Variants in DMXL1 observed in about 807,000 individuals in gnomAD.
The protein encoded by DMXL1 is Dmx like 1, also known as dmX-like protein 1.
DMXL1 carries 99 observed loss-of-function variants against 319.2 expected under a neutral mutation model. That is an observed-to-expected ratio of 0.31 (90% CI 0.26 to 0.37). The LOEUF (loss-of-function observed/expected upper bound fraction) is 0.37, where lower values mean the gene tolerates loss of function less well. Among genes scored for constraint, DMXL1 ranks in the 10% least tolerant of loss-of-function variants. The pLI is 1.00. For missense variants in DMXL1, 3,745 were observed against 3,595.6 expected (o/e 1.04, Z -1.06); for synonymous variants, 1,385 against 1,235.2 (o/e 1.12, Z -2.54).
At position 119,182,319 on chromosome 5, in the gene DMXL1, C is replaced by T. The variant is rs535072744; in HGVS notation, c.7135+4075C>T. ...TATTTCATTTTCCTGACTACTCAAA[C>T]GTGTCAAAGCATTGTATATTGAAGA... On this transcript the variant is annotated intron_variant, in intron 28 of 43. Transcript: ENST00000539542. Among the ~76,000 whole-genome samples, 79 of 152,184 alleles carry T rather than the reference C, an allele frequency of 5.2e-4. 2 individuals carry two copies. The South Asian group carries it at 0.014, about 26-fold the overall frequency.
chr5:119,226,756 C>T (rs1785648352), intron 38 of DMXL1, among the ~76,000 whole-genome samples: 1 of 152,144 alleles, frequency 6.6e-6, no homozygotes. Flanking sequence ...AATCAGAGTG[C>T]CCACAGCTCC....
At chr5:119,193,186 G>A (rs1296344097) in intron 29 of DMXL1, among the ~76,000 whole-genome samples, 4 of 152,020 alleles carry the variant, frequency 2.6e-5, no homozygotes, top group Non-Finnish European at 5.9e-5. Context: ...ACTTATTGGT[G>A]GCATTCCCTT....
intron 19 of DMXL1, among the ~76,000 whole-genome samples, chr5:119,160,407 T>C (rs1048290960): frequency 4.6e-5 from 7 of 152,240 alleles, no homozygotes; most frequent in African/African-American, 1.7e-4. Context: ...ATACTTCATA[T>C]GATTTACATA....
rs145274611 is a variant in DMXL1, at chr5:119,124,647, C to T, written c.1102+3508C>T. The stretch of plus-strand genomic sequence containing the variant: ...GTGGTGTAATCAAGGCTCACTGCAA[C>T]CTCTGCCTCTCGGGTTCAAGTGATT... On this transcript the variant is annotated intron_variant, in intron 9 of 43. Transcript: ENST00000539542. 9.2e-4 allele frequency among the ~76,000 whole-genome samples: 136 copies of T among 148,366 alleles called. 1 individual carries two copies. The highest frequency in any genetic ancestry group is 3.3e-3 in the African/African-American group (132 of 39,846).
chr5:119,121,230 A>C, intron 9 of DMXL1, 91 bp downstream of exon 9: 1 of 1,107,202 alleles, frequency 9.0e-7, no homozygotes, highest in Non-Finnish European at 1.2e-6. Context: ...AAATAAGTAA[A>C]ATATTGGAGG....
At chr5:119,232,013 C>T (rs1331649081) in intron 38 of DMXL1, among the ~76,000 whole-genome samples, 1 of 151,982 alleles carries the variant, frequency 6.6e-6, no homozygotes, top group Non-Finnish European at 1.5e-5. Context: ...TTATGTTGCC[C>T]AGGCAGGAGT....
chr5:119,167,344 C>A (rs1263740297), intron 22 of DMXL1, among the ~76,000 whole-genome samples: 1 of 151,936 alleles, frequency 6.6e-6, no homozygotes, highest in Non-Finnish European at 1.5e-5. Context: ...TTAAATTATC[C>A]ATTGTTTCCT....
In DMXL1 at chr5:119,133,117, C is replaced by G; in HGVS notation, c.1316-15C>G. 6.2e-7 allele frequency: 1 copy of G among 1,612,566 alleles called. No individual in the cohort carries two copies. The highest frequency in any genetic ancestry group is 8.5e-7 in the Non-Finnish European group (1 of 1,179,098). ...TGTTTGTATTTACTTGGTTCATGAA[C>G]TCTTTTGCTTATAGAAACTGATGAT... is the stretch of plus-strand genomic sequence containing the variant. On this transcript the variant is annotated splice_polypyrimidine_tract_variant and intron_variant, in intron 10 of 43. Transcript: ENST00000539542.
At chr5:119,101,142 C>T (rs1297717835) in intron 2 of DMXL1, among the ~76,000 whole-genome samples, 2 of 152,076 alleles carry the variant, frequency 1.3e-5, no homozygotes, top group Non-Finnish European at 2.9e-5. Context: ...TTTTTGAAAT[C>T]CCACCCATAA....
In DMXL1 at chr5:119,133,302, A is replaced by T; in HGVS notation, c.1486A>T (p.Ile496Phe). Residue 496 changes from isoleucine to phenylalanine, a missense_variant, in exon 11 of 44, where the codon ATT (isoleucine) becomes TTT (phenylalanine). Physicochemically the swap from Ile to Phe is conservative, Grantham distance 21. Coordinates refer to ENST00000539542, the MANE Select transcript of DMXL1 (RefSeq NM_001290321.3). ...WSKNADMLFS[I>F]HPMDGSLLVW... is the part of the protein sequence containing the mutation. ...TAAAAATGCAGATATGCTATTTAGTATTCATCCCATGGATGGTTCTTTGCT... is the reference window on the plus strand; with the variant it reads ...TAAAAATGCAGATATGCTATTTAGTTTTCATCCCATGGATGGTTCTTTGCT... 6.2e-7 allele frequency: 1 copy of T among 1,614,168 alleles called. No homozygotes were observed. The highest frequency in any genetic ancestry group is 8.5e-7 in the Non-Finnish European group (1 of 1,180,032).
In DMXL1 at chr5:119,203,373, G is replaced by A. The variant is rs768825713; in HGVS notation, c.7800G>A (p.Lys2600=). The A allele has an allele frequency of 2.5e-6, 4 of 1,607,966 alleles. No homozygotes were observed. The Admixed American group carries it at 6.8e-5, about 27-fold the overall frequency. The change falls in exon 33 of 44, where the codon AAG becomes AAA. Residue 2600 remains lysine (K), a synonymous_variant. Coordinates refer to ENST00000539542, the MANE Select transcript of DMXL1 (RefSeq NM_001290321.3). ...SVKRLWQYLV[K]QEEIQETFIK... is the part of the protein sequence containing the mutation. ...AGAGGCTTTGGCAGTATTTGGTGAA[G>A]CAGGAAGAAATTCAGGAAACCTTTA...
At chr5:119,112,771 C>G (rs986195878) in intron 5 of DMXL1, among the ~76,000 whole-genome samples, 12 of 151,928 alleles carry the variant, frequency 7.9e-5, no homozygotes, top group African/African-American at 2.9e-4. Context: ...AGCCTGGCCA[C>G]CATGGCGAAA....
In DMXL1 at chr5:119,171,205, A is replaced by G; in HGVS notation, c.6414A>G (p.Ile2138Met). 1 of 1,613,684 alleles carries G rather than the reference A, an allele frequency of 6.2e-7. No homozygotes were observed. The highest frequency in any genetic ancestry group is 2.2e-5 in the East Asian group (1 of 44,864). Residue 2138 changes from isoleucine to methionine, a missense_variant, in exon 24 of 44, where the codon ATA (isoleucine) becomes ATG (methionine). This residue lies in a region of DMXL1 where 1,382 missense variants were observed against 1,269.5 expected (regional missense o/e 1.09). Coordinates refer to ENST00000539542, the MANE Select transcript of DMXL1 (RefSeq NM_001290321.3). Reference sequence around the variant, plus strand: ...TGAGAATGTTTCTTAGTTACTGCATACTTCATGGATCCCATGGTGGGGGTC... The same window carrying G: ...TGAGAATGTTTCTTAGTTACTGCATGCTTCATGGATCCCATGGTGGGGGTC... ...SLLRMFLSYCILHGSHGGGLA... is the reference protein window; with the variant it reads ...SLLRMFLSYCMLHGSHGGGLA...
chr5:119,132,775 A>G (rs141745633), intron 10 of DMXL1: 73 of 546,352 alleles, frequency 1.3e-4, no homozygotes, highest in African/African-American at 1.3e-3. Context: ...AAGGTAAACG[A>G]TTAATTTGAA....
At chr5:119,086,866 C>T (rs967112514) in intron 1 of DMXL1, among the ~76,000 whole-genome samples, 18 of 152,056 alleles carry the variant, frequency 1.2e-4, no homozygotes, top group African/African-American at 4.3e-4. Context: ...TTTATTATGG[C>T]TTCCATCTCA....
chr5:119,172,366 C>T (rs1774759086), intron 25 of DMXL1, among the ~76,000 whole-genome samples: 1 of 152,172 alleles, frequency 6.6e-6, no homozygotes, highest in African/African-American at 2.4e-5. Context: ...AAGAAATCCA[C>T]ATTTTAAGGA....
Position 119,150,110 on chromosome 5 carries a change from A to AT in DMXL1, c.4284dup (p.Glu1429Ter). On this transcript the variant is annotated frameshift_variant, in exon 18 of 44. Transcript: ENST00000539542. LOFTEE classifies it high-confidence loss of function. ...TACTCATCTTTGGAGAAATCTAGTA[A>AT]TGAGAGTACGTTAAGTAAATCAAAC... 5.6e-6 allele frequency: 9 copies of AT among 1,613,820 alleles called. No individual in the cohort carries two copies. The highest frequency in any genetic ancestry group is 7.6e-6 in the Non-Finnish European group (9 of 1,179,878).
Position 119,149,721 on chromosome 5 carries a change from T to A in DMXL1, c.3894T>A (p.Thr1298=). ...SLAQKICGKK[T]AFDPSVDMED... ...CACAGAAAATCTGTGGAAAGAAAAC[T>A]GCATTCGATCCTTCAGTGGATATGG... Residue 1298 remains threonine, a synonymous_variant, in exon 18 of 44, where the codon ACT becomes ACA. Transcript: ENST00000539542. 6.2e-7 allele frequency: 1 copy of A among 1,614,006 alleles called. No homozygotes were observed.
intron 1 of DMXL1, among the ~76,000 whole-genome samples, chr5:119,086,587 C>T (rs1753418804): frequency 6.6e-6 from 1 of 152,084 alleles, no homozygotes; most frequent in African/African-American, 2.4e-5. Context: ...CTTCCTTTCT[C>T]TTCAGTTTTT....
Sources: gnomAD v4.1 joint callset for allele counts (sites outside exome capture counted in the v4.1 genomes callset) on GRCh38, gnomAD v4.1.1 for gene constraint, gnomAD v4.1.1 regional missense constraint, MANE v1.5 for transcripts, NCBI Gene and HGNC (gene_info 2026-07-23, HGNC 2026-07-21) for gene names.